The following PTPRM variants were observed in gnomAD, a reference collection of about 807,000 sequenced individuals.
PTPRM encodes the protein receptor-type tyrosine-protein phosphatase mu.
Under a neutral mutation model 186.7 loss-of-function variants are expected in PTPRM, and 47 were observed. The observed-to-expected ratio is 0.25, with a 90% CI of 0.20 to 0.32. The LOEUF (loss-of-function observed/expected upper bound fraction) is 0.32, where lower values mean the gene tolerates loss of function less well. Ranked by LOEUF, PTPRM falls within the 10% of genes least tolerant of loss-of-function variation. The probability of loss-of-function intolerance (pLI) is 1.00; values close to 1 mark genes in which losing one functional copy is unlikely to be tolerated. For missense variants in PTPRM, 1,494 were observed against 1,865.0 expected (o/e 0.80, Z 3.66); for synonymous variants, 668 against 674.9 (o/e 0.99, Z 0.16).
chr18:8,304,367 C>CG (rs1196454197), intron 20 of PTPRM, among the ~76,000 whole-genome samples: 2 of 152,108 alleles, frequency 1.3e-5, no homozygotes, highest in Non-Finnish European at 2.9e-5. Context: ...CCTATGTACA[C>CG]GGGGGGAAAA....
At chr18:7,984,898 A>ATT (rs2082788934) in intron 7 of PTPRM, among the ~76,000 whole-genome samples, 1 of 127,110 alleles carries the variant, frequency 7.9e-6, no homozygotes, top group Non-Finnish European at 1.6e-5. Flanking sequence ...TACATATATA[A>ATT]ATATATACAT....
In PTPRM at chr18:7,998,861, G is replaced by A. The variant is rs116972770; in HGVS notation, c.1132+43447G>A. Among the ~76,000 whole-genome samples the A allele has an allele frequency of 7.4e-4, 113 of 152,216 alleles. No homozygotes were observed. In the East Asian group the frequency reaches 0.02, roughly 27 times the overall value. ...ATAGAGACAGGATTTTGCCATGCTGGTAAGGCTGATCTCAAACTTCTGGCC... is the reference window on the plus strand; with the variant it reads ...ATAGAGACAGGATTTTGCCATGCTGATAAGGCTGATCTCAAACTTCTGGCC... On this transcript the variant is annotated intron_variant, in intron 7 of 32. Transcript: ENST00000580170.
At chr18:7,803,122 C>T (rs407952) in intron 2 of PTPRM, among the ~76,000 whole-genome samples, 2,248 of 152,158 alleles carry the variant, frequency 0.015, 55 homozygotes, top group African/African-American at 0.051. Context: ...AATATATTGG[C>T]AGGTTATTGC....
chr18:8,099,080 C>G lies in PTPRM; in HGVS notation c.1856+10229C>G, dbSNP rs539733870. Among the ~76,000 whole-genome samples, 6 of 152,204 alleles carry G rather than the reference C, an allele frequency of 3.9e-5. No individual in the cohort carries two copies. In the East Asian group the frequency reaches 1.2e-3, roughly 29 times the overall value. ...TGATGTTTCTTTCATGGAATCTTCTCTCTTTTATCTTCCCTCTGTCCTGCC... is the reference window on the plus strand; with the variant it reads ...TGATGTTTCTTTCATGGAATCTTCTGTCTTTTATCTTCCCTCTGTCCTGCC... On this transcript the variant is annotated intron_variant, in intron 11 of 32. Coordinates refer to ENST00000580170, the MANE Select transcript of PTPRM (RefSeq NM_001105244.2).
chr18:8,214,438 T>C (rs1322264720), intron 14 of PTPRM, among the ~76,000 whole-genome samples: 1 of 152,192 alleles, frequency 6.6e-6, no homozygotes, highest in African/African-American at 2.4e-5. Flanking sequence ...ATTTCATTTA[T>C]TAAATTCTTT....
intron 5 of PTPRM, among the ~76,000 whole-genome samples, chr18:7,935,487 G>A (rs759530708): frequency 6.6e-6 from 1 of 152,044 alleles, no homozygotes; most frequent in Non-Finnish European, 1.5e-5. Context: ...TACTCTAGAA[G>A]AAATTAATTA....
rs145519564 is a variant in PTPRM, at chr18:7,887,799, G to A, written c.197-307G>A. Among the ~76,000 whole-genome samples the A allele has an allele frequency of 7.9e-5, 12 of 152,278 alleles. No individual in the cohort carries two copies. The East Asian group carries it at 2.1e-3, about 27-fold the overall frequency. On this transcript the variant is annotated intron_variant, in intron 2 of 32. Coordinates refer to ENST00000580170, the MANE Select transcript of PTPRM (RefSeq NM_001105244.2). The stretch of plus-strand genomic sequence containing the variant: ...TAATTTTTATTTTAAATAATCACCT[G>A]TGACTCCTGACTGCTAGACCTAAGG...
At chr18:7,583,665 A>G (rs1184196763) in intron 1 of PTPRM, among the ~76,000 whole-genome samples, 2 of 152,224 alleles carry the variant, frequency 1.3e-5, no homozygotes, top group South Asian at 2.1e-4. Context: ...AATTGGTTAG[A>G]GAATTACTTA....
intron 18 of PTPRM, 103 bp downstream of exon 18, chr18:8,252,602 C>A: frequency 8.6e-7 from 1 of 1,157,956 alleles, no homozygotes. Flanking sequence ...TCTGTGCTGG[C>A]CTGCATGTTT....
intron 4 of PTPRM, among the ~76,000 whole-genome samples, chr18:7,906,877 A>G (rs902813301): frequency 2.0e-5 from 3 of 152,226 alleles, no homozygotes; most frequent in Non-Finnish European, 2.9e-5. Flanking sequence ...GGTCTTTAGA[A>G]TTCGCTTTTC....
intron 20 of PTPRM, among the ~76,000 whole-genome samples, chr18:8,309,648 G>T (rs1224329540): frequency 6.6e-6 from 1 of 152,030 alleles, no homozygotes; most frequent in Admixed American, 6.6e-5. Context: ...AGGACTACAG[G>T]TGTGCTCCAC....
intron 1 of PTPRM, chr18:7,755,192 G>A (rs552610820): frequency 6.6e-6 from 1 of 151,700 alleles, no homozygotes; most frequent in South Asian, 2.1e-4. Context: ...ACAGGAAGGG[G>A]TAGAATTATC....
rs537620567 is a variant in PTPRM at position 7,610,326 on chromosome 18, G to C, written c.73+42435G>C. The stretch of plus-strand genomic sequence containing the variant: ...ACGTAATTTTTAAACTTTAAAATCT[G>C]GGTGTCTTAAAGTGTTTTCTATCAT... On this transcript the variant is annotated intron_variant, in intron 1 of 32. Transcript: ENST00000580170. 7.9e-5 allele frequency among the ~76,000 whole-genome samples: 12 copies of C among 152,144 alleles called. No individual in the cohort carries two copies. The East Asian group carries it at 2.3e-3, about 29-fold the overall frequency.
intron 23 of PTPRM, among the ~76,000 whole-genome samples, chr18:8,348,783 T>G (rs888321090): frequency 1.7e-4 from 26 of 152,208 alleles, no homozygotes; most frequent in Admixed American, 1.7e-3. Context: ...TTAGTCAGTT[T>G]TATGAAGACC....
At chr18:7,780,896 G>T (rs1330678033) in intron 2 of PTPRM, among the ~76,000 whole-genome samples, 1 of 152,152 alleles carries the variant, frequency 6.6e-6, no homozygotes, top group Non-Finnish European at 1.5e-5. Context: ...GCGTAGGGAA[G>T]AGCAGGAGTG....
intron 23 of PTPRM, among the ~76,000 whole-genome samples, chr18:8,368,724 G>A (rs529508347): frequency 6.6e-6 from 1 of 152,318 alleles, no homozygotes; most frequent in African/African-American, 2.4e-5. Flanking sequence ...TCTCAGCTCA[G>A]ATTTCTTTTG....
intron 1 of PTPRM, among the ~76,000 whole-genome samples, chr18:7,681,354 A>G (rs1420495509): frequency 1.3e-5 from 2 of 152,204 alleles, no homozygotes; most frequent in Non-Finnish European, 2.9e-5. Flanking sequence ...AAGCATGACT[A>G]GAGAGTAGCC....
rs1280313524 is a variant in PTPRM at position 8,406,706 on chromosome 18, T to C, written c.*544T>C. The C allele has an allele frequency of 1.3e-5, 2 of 152,680 alleles. No homozygotes were observed. Among genetic ancestry groups the C allele is most frequent in the African/African-American group, 4.8e-5 (2 of 41,466 alleles). 9.5% of individuals were successfully genotyped at this position (152,680 alleles called of 1,614,324 possible). A position where few individuals can be genotyped will look rare whatever the true frequency, so the allele number is the denominator to read the frequency against. On this transcript the variant is annotated 3_prime_UTR_variant, in exon 33 of 33. Transcript: ENST00000580170. ...CGTCGTTTCTGTCAGATTTGTATTG[T>C]TTCCAAGGGAAAAGCTTGGGGGAGG... is the stretch of plus-strand genomic sequence containing the variant.
chr18:7,669,307 G>A (rs1267461142), intron 1 of PTPRM, among the ~76,000 whole-genome samples: 2 of 152,110 alleles, frequency 1.3e-5, no homozygotes, highest in African/African-American at 4.8e-5. Context: ...TGGTAGGAGT[G>A]ACAATACTAC....
Sources: gnomAD v4.1 joint callset for allele counts (sites outside exome capture counted in the v4.1 genomes callset) on GRCh38, gnomAD v4.1.1 for gene constraint, MANE v1.5 for transcripts, NCBI Gene and HGNC (gene_info 2026-07-23, HGNC 2026-07-21) for gene names.